The following LRRC49 variants were observed in gnomAD, a reference collection of about 807,000 sequenced individuals.
LRRC49 encodes leucine rich repeat containing 49.
A neutral mutation model predicts 83.3 loss-of-function variants in LRRC49; 50 were observed. The ratio of observed to expected loss-of-function variants is 0.60; its 90% CI spans 0.48 to 0.76. The LOEUF is 0.76. LRRC49 is among the 30% of genes least tolerant of loss of function. LRRC49 has a pLI of 0.00. For missense variants in LRRC49, 704 were observed against 809.1 expected (o/e 0.87, Z 1.58); for synonymous variants, 286 against 283.3 (o/e 1.01, Z -0.10).
At chr15:70,868,142 T>C (rs2032952255) in intron 1 of LRRC49, among the ~76,000 whole-genome samples, 1 of 152,300 alleles carries the variant, frequency 6.6e-6, no homozygotes, top group African/African-American at 2.4e-5. Flanking sequence ...AGAAAACTTA[T>C]ATTGTATTTT....
intron 7 of LRRC49, among the ~76,000 whole-genome samples, chr15:70,922,457 G>A (rs1401831618): frequency 1.3e-5 from 2 of 152,112 alleles, no homozygotes; most frequent in Non-Finnish European, 2.9e-5. Flanking sequence ...TCACTTATTT[G>A]TGGGATCTAA....
At chr15:71,024,432 G>A (rs1215200777) in intron 14 of LRRC49, among the ~76,000 whole-genome samples, 1 of 152,112 alleles carries the variant, frequency 6.6e-6, no homozygotes, top group Non-Finnish European at 1.5e-5. Context: ...CTGTTTTGCA[G>A]CCTCCACTGA....
At chr15:70,914,183 T>A (rs2034666098) in intron 6 of LRRC49, among the ~76,000 whole-genome samples, 1 of 152,088 alleles carries the variant, frequency 6.6e-6, no homozygotes, top group Non-Finnish European at 1.5e-5. Flanking sequence ...TTCACAGTAT[T>A]TCAAAGCAAA....
intron 3 of LRRC49, among the ~76,000 whole-genome samples, chr15:70,896,304 C>T (rs533554408): frequency 2.0e-5 from 3 of 152,180 alleles, no homozygotes; most frequent in African/African-American, 7.2e-5. Context: ...AGAGAAGAAA[C>T]AATCTTTCCC....
At chr15:71,001,811 C>G (rs1352782506) in intron 11 of LRRC49, among the ~76,000 whole-genome samples, 1 of 152,118 alleles carries the variant, frequency 6.6e-6, no homozygotes, top group Non-Finnish European at 1.5e-5. Context: ...CCTGCCTCAG[C>G]CTCCTGAGTA....
intron 9 of LRRC49, among the ~76,000 whole-genome samples, chr15:70,970,827 G>A (rs1164342677): frequency 6.6e-6 from 1 of 152,140 alleles, no homozygotes; most frequent in Non-Finnish European, 1.5e-5. Flanking sequence ...CATCAGTGGT[G>A]ATCTCCCCTT....
intron 3 of LRRC49, among the ~76,000 whole-genome samples, chr15:70,897,644 A>G (rs1015073889): frequency 3.3e-5 from 5 of 152,180 alleles, no homozygotes; most frequent in African/African-American, 1.2e-4. Flanking sequence ...ATTATAATTA[A>G]TTTCAGCCAT....
At chr15:71,029,078 G>T (rs1213721595) in intron 14 of LRRC49, among the ~76,000 whole-genome samples, 1 of 152,070 alleles carries the variant, frequency 6.6e-6, no homozygotes, top group African/African-American at 2.4e-5. Context: ...CTGTTTTGGG[G>T]CATTTAGTGC....
chr15:70,954,689 T>C (rs1249139427), intron 8 of LRRC49, among the ~76,000 whole-genome samples: 1 of 150,904 alleles, frequency 6.6e-6, no homozygotes, highest in Non-Finnish European at 1.5e-5. Context: ...TGGATGCTTT[T>C]AGGGGGCAAG....
At chr15:70,992,429 C>G (rs1700645242) in intron 11 of LRRC49, among the ~76,000 whole-genome samples, 1 of 152,184 alleles carries the variant, frequency 6.6e-6, no homozygotes, top group Non-Finnish European at 1.5e-5. Flanking sequence ...TTTTCCCCAT[C>G]TTTGTGGTTT....
At chr15:70,928,997 T>C (rs1355617913) in intron 7 of LRRC49, among the ~76,000 whole-genome samples, 1 of 152,266 alleles carries the variant, frequency 6.6e-6, no homozygotes, top group African/African-American at 2.4e-5. Flanking sequence ...TCTTTGTTTC[T>C]ATAATTTTCA....
At chr15:70,967,187 A>T (rs774268013) in intron 9 of LRRC49, among the ~76,000 whole-genome samples, 17 of 152,276 alleles carry the variant, frequency 1.1e-4, no homozygotes, top group Non-Finnish European at 1.8e-4. Flanking sequence ...CATTGAGTGT[A>T]CATGGCTGAG....
chr15:70,919,036 A>G lies in LRRC49; in HGVS notation c.568-14A>G, dbSNP rs752218452. 8.1e-6 allele frequency: 13 copies of G among 1,602,766 alleles called. No homozygotes were observed. In the South Asian group the frequency reaches 1.0e-4, roughly 12 times the overall value. ...TTTGCCTGCTAATCACCCTTCTCCT[A>G]TTTTCTTTAACAGATTACCAAAATT... On this transcript the variant is annotated splice_polypyrimidine_tract_variant and intron_variant, in intron 6 of 15. Coordinates refer to ENST00000260382, the MANE Select transcript of LRRC49 (RefSeq NM_017691.5).
chr15:70,928,723 G>GC (rs1012727027), intron 7 of LRRC49, among the ~76,000 whole-genome samples: 1 of 151,996 alleles, frequency 6.6e-6, no homozygotes, highest in African/African-American at 2.4e-5. Context: ...GCACTACCAT[G>GC]CCTGGCTAAT....
At chr15:70,891,828 G>T (rs1286250510), upstream of LRRC49, 2 of 1,544,746 alleles carry the variant, frequency 1.3e-6, no homozygotes, top group East Asian at 2.3e-5. Context: ...CACAACCTTC[G>T]GTGGTCTCTC....
chr15:70,860,012 G>T, intron 1 of LRRC49: 4 of 749,384 alleles, frequency 5.3e-6, no homozygotes, highest in African/African-American at 1.7e-5. Flanking sequence ...CACAAGCCCC[G>T]GCCTCAGCTA....
At chr15:70,957,078 G>A (rs1176427354) in intron 8 of LRRC49, among the ~76,000 whole-genome samples, 12 of 152,100 alleles carry the variant, frequency 7.9e-5, no homozygotes, top group Admixed American at 4.6e-4. Context: ...AAAGTGCTTT[G>A]TATTTAATTA....
chr15:70,868,693 A>C (rs2032963321), intron 1 of LRRC49, among the ~76,000 whole-genome samples: 1 of 152,250 alleles, frequency 6.6e-6, no homozygotes. Flanking sequence ...TAAGAATCTC[A>C]GCTTTAAACT....
At chr15:70,895,082 T>A (rs950779515) in intron 2 of LRRC49, among the ~76,000 whole-genome samples, 2 of 152,156 alleles carry the variant, frequency 1.3e-5, no homozygotes, top group Admixed American at 1.3e-4. Context: ...GAAAATACCT[T>A]TAGGTCATAT....
Sources: allele counts gnomAD v4.1 joint callset (sites outside exome capture counted in the v4.1 genomes callset), GRCh38; gene constraint gnomAD v4.1.1; transcripts MANE v1.5; gene names NCBI Gene and HGNC (gene_info 2026-07-23, HGNC 2026-07-21).